Variants in XYLB observed in about 807,000 individuals in gnomAD.
The protein encoded by XYLB is xylulokinase.
A neutral mutation model predicts 78.7 loss-of-function variants in XYLB; 62 were observed. That is an observed-to-expected ratio of 0.79 (90% confidence interval 0.64 to 0.97). The LOEUF (loss-of-function observed/expected upper bound fraction) is 0.97, where lower values mean the gene tolerates loss of function less well. Among genes scored for constraint, XYLB ranks in the 50% least tolerant of loss-of-function variants. XYLB has a pLI of 0.00. For missense variants in XYLB, 687 were observed against 676.8 expected (o/e 1.02, Z -0.17); for synonymous variants, 245 against 247.4 (o/e 0.99, Z 0.09).
At chr3:38,439,761 C>CAA in the XYLB span, among the ~76,000 whole-genome samples, 394 of 136,238 alleles carry the variant, frequency 2.9e-3, 2 homozygotes, top group South Asian at 0.011. Context: ...GACTCCGTCT[C>CAA]AAAAAAAAAA....
chr3:38,426,733 C>G, the XYLB span, among the ~76,000 whole-genome samples: 1,003 of 152,320 alleles, frequency 6.6e-3, 2 homozygotes, highest in Non-Finnish European at 0.011. Flanking sequence ...GCCTTTATCA[C>G]TTTGCAAAAA....
At chr3:38,412,791 CTT>C in intron 18 of XYLB, 143 bp from the exon 19 acceptor site, 2 of 681,792 alleles carry the variant, frequency 2.9e-6, no homozygotes, top group Non-Finnish European at 4.9e-6. Flanking sequence ...AGCATTTCCT[CTT>C]TTGTGAATTG....
downstream of XYLB, among the ~76,000 whole-genome samples, chr3:38,417,871 C>T (rs1221312671): frequency 1.6e-5 from 2 of 123,186 alleles, no homozygotes; most frequent in Admixed American, 9.0e-5. Flanking sequence ...CAGAGTGAGA[C>T]TTCATCTCAA....
intron 8 of XYLB, among the ~76,000 whole-genome samples, chr3:38,369,714 G>A (rs1706445516): frequency 6.6e-6 from 1 of 152,216 alleles, no homozygotes; most frequent in African/African-American, 2.4e-5. Context: ...CCTGGGAGCT[G>A]ACCTGGAAAC....
At chr3:38,351,487 AC>A (rs1705363348) in intron 2 of XYLB, among the ~76,000 whole-genome samples, 1 of 152,086 alleles carries the variant, frequency 6.6e-6, no homozygotes, top group South Asian at 2.1e-4. Flanking sequence ...CTTCCCCATC[AC>A]CTCAATTGCA....
At chr3:38,369,167 T>C (rs1706413901) in intron 8 of XYLB, among the ~76,000 whole-genome samples, 1 of 152,118 alleles carries the variant, frequency 6.6e-6, no homozygotes, top group South Asian at 2.1e-4. Flanking sequence ...CGAGGGCTGT[T>C]GTATGCCAGG....
chr3:38,376,080 C>T (rs1357539497), intron 12 of XYLB, 37 bp from the exon 13 acceptor site: 1 of 1,437,772 alleles, frequency 7.0e-7, no homozygotes, highest in Non-Finnish European at 9.8e-7. Context: ...TCAGCAAGCA[C>T]CAGCTCCCTC....
chr3:38,383,405 A>G (rs779992226), intron 15 of XYLB, among the ~76,000 whole-genome samples: 2 of 152,248 alleles, frequency 1.3e-5, no homozygotes, highest in Non-Finnish European at 2.9e-5. Context: ...CTAATAAGCC[A>G]TAGTTTTCAG....
chr3:38,356,738 G>T (rs1470925743), intron 2 of XYLB: 1 of 152,130 alleles, frequency 6.6e-6, no homozygotes, highest in Non-Finnish European at 1.5e-5. Flanking sequence ...ATCAGAGTTT[G>T]TTTTTCCATT....
intron 11 of XYLB, 65 bp downstream of exon 11, chr3:38,374,567 G>T: frequency 6.2e-7 from 1 of 1,602,198 alleles, no homozygotes; most frequent in Non-Finnish European, 8.5e-7. Context: ...ACTCTGATAA[G>T]TAGCAGAGGT....
intron 9 of XYLB, among the ~76,000 whole-genome samples, chr3:38,371,305 C>G (rs2125593358): frequency 6.7e-6 from 1 of 149,872 alleles, no homozygotes; most frequent in East Asian, 2.0e-4. Context: ...CAGAGTCTCG[C>G]TTTTGTCACC....
Position 38,412,975 on chromosome 3 carries a change from C to T in XYLB, c.1573C>T (p.Gln525Ter), listed in dbSNP as rs751275291. The T allele has an allele frequency of 1.2e-5, 20 of 1,604,652 alleles. No individual in the cohort carries two copies. Among genetic ancestry groups the T allele is most frequent in the Non-Finnish European group, 1.5e-5 (18 of 1,176,512 alleles). The change falls in exon 19 of 19, where the codon CAG (glutamine) becomes TAG (stop). Residue 525 changes from glutamine (Q) to a stop codon, truncating the protein, a stop_gained. Transcript: ENST00000207870. LOFTEE classifies it high-confidence loss of function. ...TCTCCCCCAGTATGCCAAACTCGAG[C>T]AGAGAATCTTGTCTCAGACCCGGGG... ...ALLPQYAKLEQRILSQTRGPP... is the reference protein window; with the variant it reads ...ALLPQYAKLE
chr3:38,366,738 T>A, intron 6 of XYLB, 70 bp from the exon 7 acceptor site: 1 of 1,108,446 alleles, frequency 9.0e-7, no homozygotes, highest in Non-Finnish European at 1.4e-6. Flanking sequence ...TACATTAAAC[T>A]CACTTTGTGG....
the XYLB span, among the ~76,000 whole-genome samples, chr3:38,440,781 AC>A: frequency 6.6e-6 from 1 of 152,080 alleles, no homozygotes; most frequent in Non-Finnish European, 1.5e-5. Context: ...TAGGGTACAC[AC>A]TTTTTTCTTT....
At chr3:38,387,405 C>G (rs1303154635) in intron 15 of XYLB, among the ~76,000 whole-genome samples, 1 of 151,610 alleles carries the variant, frequency 6.6e-6, no homozygotes, top group African/African-American at 2.4e-5. Flanking sequence ...GAGTCTTGCT[C>G]TGTTGCCCAG....
downstream of XYLB, among the ~76,000 whole-genome samples, chr3:38,418,578 T>C (rs1174863606): frequency 1.3e-5 from 2 of 152,162 alleles, no homozygotes; most frequent in South Asian, 2.1e-4. Flanking sequence ...ATACGACAGA[T>C]TGAATAGATT....
the XYLB span, among the ~76,000 whole-genome samples, chr3:38,430,670 G>C: frequency 6.6e-6 from 1 of 152,252 alleles, no homozygotes; most frequent in African/African-American, 2.4e-5. Context: ...TTTTATTCTA[G>C]GGTTTTTATG....
At chr3:38,375,340 C>A in intron 12 of XYLB, 81 bp downstream of exon 12, 2 of 1,219,036 alleles carry the variant, frequency 1.6e-6, no homozygotes, top group South Asian at 1.3e-5. Flanking sequence ...GACCCCAAGT[C>A]ATTCCACTAA....
chr3:38,360,657 A>G (rs1244971214), intron 3 of XYLB, among the ~76,000 whole-genome samples: 1 of 152,262 alleles, frequency 6.6e-6, no homozygotes, highest in East Asian at 1.9e-4. Flanking sequence ...AAGTCCTGCC[A>G]TTAACCACCT....
Sources: allele counts gnomAD v4.1 joint callset (sites outside exome capture counted in the v4.1 genomes callset), GRCh38; gene constraint gnomAD v4.1.1; transcripts MANE v1.5; gene names NCBI Gene and HGNC (gene_info 2026-07-23, HGNC 2026-07-21).